The following CC2D2B variants were observed in gnomAD, a reference collection of about 807,000 sequenced individuals.
CC2D2B encodes coiled-coil and C2 domain containing 2B.
Under a neutral mutation model 161.2 loss-of-function variants are expected in CC2D2B, and 128 were observed. That is an observed-to-expected ratio of 0.79 (90% CI 0.69 to 0.92). CC2D2B has a LOEUF of 0.92. Ranked by LOEUF, CC2D2B falls within the 40% of genes least tolerant of loss-of-function variation. The pLI, the probability that CC2D2B is intolerant of heterozygous loss-of-function variation, is 0.00. For synonymous variants in CC2D2B, 391 were observed against 449.8 expected (o/e 0.87, Z 1.65); for missense variants, 1,173 against 1,375.1 (o/e 0.85, Z 2.32).
Position 95,981,131 on chromosome 10 carries a change from T to C in CC2D2B, c.1944-844T>C, listed in dbSNP as rs149704227. On this transcript the variant is annotated intron_variant, in intron 17 of 34. Coordinates refer to ENST00000646931, the MANE Select transcript of CC2D2B (RefSeq NM_001349008.3). ...TCTCATGGCAGGGCACAGTGGCTCA[T>C]GCCTGTAATCCCAGCACTTTGGGAG... Among the ~76,000 whole-genome samples the C allele has an allele frequency of 4.3e-3, 650 of 152,282 alleles. 9 individuals carry two copies. Among genetic ancestry groups the C allele is most frequent in the East Asian group, 0.027 (140 of 5,184 alleles).
chr10:96,020,833 G>T, intron 32 of CC2D2B: 1 of 152,354 alleles, frequency 6.6e-6, no homozygotes, highest in South Asian at 2.1e-4. Context: ...AGGAGTTCGA[G>T]ACCAGCCTGG....
At chr10:95,970,587 G>C (rs77550793) in intron 15 of CC2D2B, among the ~76,000 whole-genome samples, 1 of 152,136 alleles carries the variant, frequency 6.6e-6, no homozygotes, top group Non-Finnish European at 1.5e-5. Context: ...CTCTATCTCA[G>C]TACACTTACC....
At chr10:95,916,513 A>C (rs1407029154) in intron 2 of CC2D2B, among the ~76,000 whole-genome samples, 1 of 151,910 alleles carries the variant, frequency 6.6e-6, no homozygotes, top group African/African-American at 2.4e-5. Context: ...TTCTTTTAAA[A>C]AATTTTTTGA....
intron 20 of CC2D2B, among the ~76,000 whole-genome samples, chr10:95,990,914 A>T (rs950190014): frequency 6.6e-6 from 1 of 152,216 alleles, no homozygotes; most frequent in Non-Finnish European, 1.5e-5. Context: ...TGCCAGAATG[A>T]GGTCTTAAAG....
intron 10 of CC2D2B, among the ~76,000 whole-genome samples, chr10:95,951,369 C>T (rs1202987306): frequency 6.6e-6 from 1 of 152,036 alleles, no homozygotes; most frequent in Non-Finnish European, 1.5e-5. Flanking sequence ...CCAGGCTGCT[C>T]TTGAACTCCT....
intron 4 of CC2D2B, 22 bp from the exon 5 acceptor site, chr10:95,924,757 A>T (rs2098535256): frequency 1.4e-6 from 2 of 1,462,772 alleles, no homozygotes; most frequent in African/African-American, 2.8e-5. Flanking sequence ...TTCTGTAAAG[A>T]TTTATTTATG....
At position 95,965,878 on chromosome 10, in the gene CC2D2B, C is replaced by A; in HGVS notation, c.1251-18C>A. ...TCCATTATTTCTGCTTTCAATAATT[C>A]TGTTTATTATTAATTAGGATTAAAA... On this transcript the variant is annotated intron_variant, in intron 12 of 34. Coordinates refer to ENST00000646931, the MANE Select transcript of CC2D2B (RefSeq NM_001349008.3). 1 of 1,023,944 alleles carries A rather than the reference C, an allele frequency of 9.8e-7. No homozygotes were observed. Among genetic ancestry groups the A allele is most frequent in the East Asian group, 3.3e-5 (1 of 30,406 alleles). The allele number at this position is 1,023,944 out of a possible 1,614,324, so 63.4% of individuals were successfully genotyped here.
At chr10:95,985,633 C>CA (rs2077687714) in intron 19 of CC2D2B, among the ~76,000 whole-genome samples, 8 of 152,130 alleles carry the variant, frequency 5.3e-5, no homozygotes, top group Non-Finnish European at 1.0e-4. Context: ...AATATGAAAT[C>CA]TGGGCACCTT....
chr10:96,020,414 G>C (rs2079401138), intron 32 of CC2D2B: 1 of 152,588 alleles, frequency 6.6e-6, no homozygotes. Flanking sequence ...TCACTGTCTG[G>C]GGCTCAGGGT....
intron 22 of CC2D2B, among the ~76,000 whole-genome samples, chr10:95,994,582 T>TC (rs1376499413): frequency 4.6e-5 from 7 of 152,230 alleles, no homozygotes; most frequent in African/African-American, 1.4e-4. Context: ...GAAAGGAGAC[T>TC]CCTTTCACAG....
At chr10:96,017,378 G>A (rs756023152) in intron 30 of CC2D2B, among the ~76,000 whole-genome samples, 1 of 152,072 alleles carries the variant, frequency 6.6e-6, no homozygotes, top group African/African-American at 2.4e-5. Context: ...ATCTCCTGCC[G>A]TAGTTGTAAG....
intron 30 of CC2D2B, among the ~76,000 whole-genome samples, chr10:96,018,257 A>G (rs1289709483): frequency 2.0e-5 from 3 of 152,222 alleles, no homozygotes; most frequent in Non-Finnish European, 4.4e-5. Context: ...GGCTTACACT[A>G]CAAAAAGTCT....
chr10:95,923,722 T>G (rs2098532543), intron 3 of CC2D2B, among the ~76,000 whole-genome samples: 1 of 151,898 alleles, frequency 6.6e-6, no homozygotes. Flanking sequence ...AATTAAAAAT[T>G]TAAAAAAGAG....
chr10:95,998,649 G>C (rs2078330751), intron 24 of CC2D2B, among the ~76,000 whole-genome samples: 1 of 152,100 alleles, frequency 6.6e-6, no homozygotes, highest in Non-Finnish European at 1.5e-5. Flanking sequence ...CTGGAGACTT[G>C]GGAAAGAGTT....
At chr10:96,009,391 T>G (rs568533863) in intron 25 of CC2D2B, among the ~76,000 whole-genome samples, 144 of 152,310 alleles carry the variant, frequency 9.5e-4, no homozygotes, top group Non-Finnish European at 1.3e-3. Flanking sequence ...GATTTCATTT[T>G]ATCTCCACTA....
chr10:95,988,939 A>G (rs756054663), intron 20 of CC2D2B, among the ~76,000 whole-genome samples: 2 of 152,204 alleles, frequency 1.3e-5, no homozygotes, highest in Non-Finnish European at 2.9e-5. Context: ...CTAGCATAGT[A>G]TCTTACACTG....
intron 11 of CC2D2B, among the ~76,000 whole-genome samples, chr10:95,958,154 A>G (rs747139675): frequency 5.9e-5 from 9 of 152,020 alleles, no homozygotes; most frequent in Non-Finnish European, 1.2e-4. Flanking sequence ...AGAACTAAAG[A>G]AAGATGTCAA....
chr10:96,006,230 C>A (rs1244778127), intron 25 of CC2D2B, among the ~76,000 whole-genome samples: 1 of 151,240 alleles, frequency 6.6e-6, no homozygotes, highest in Non-Finnish European at 1.5e-5. Context: ...CTTGCCTTCT[C>A]ATGAATAATA....
rs566838005 is a variant in CC2D2B at position 96,025,428 on chromosome 10, T to C, written c.3947+517T>C. ...GGTTCTTGGTACATCCATGGAAAAG[T>C]GGCCCCTCTGCCATCCAGGGCATTC... On this transcript the variant is annotated intron_variant, in intron 33 of 34. Coordinates refer to ENST00000646931, the MANE Select transcript of CC2D2B (RefSeq NM_001349008.3). Among the ~76,000 whole-genome samples the C allele has an allele frequency of 1.9e-4, 28 of 145,690 alleles. No individual in the cohort carries two copies. In the South Asian group the frequency reaches 5.6e-3, roughly 29 times the overall value.
Sources: gnomAD v4.1 joint callset for allele counts (sites outside exome capture counted in the v4.1 genomes callset) on GRCh38, gnomAD v4.1.1 for gene constraint, MANE v1.5 for transcripts, NCBI Gene and HGNC (gene_info 2026-07-23, HGNC 2026-07-21) for gene names.